The following WIZ variants were observed in gnomAD, a reference collection of about 807,000 sequenced individuals.
WIZ encodes WIZ zinc finger, also known as protein Wiz.
A neutral mutation model predicts 140.2 loss-of-function variants in WIZ; 25 were observed. That is an observed-to-expected ratio of 0.18 (90% CI 0.13 to 0.25). The LOEUF (loss-of-function observed/expected upper bound fraction) is 0.25. WIZ is among the 10% of genes least tolerant of loss of function. The pLI, the probability that WIZ is intolerant of heterozygous loss-of-function variation, is 1.00. For missense variants in WIZ, 2,231 were observed against 2,632.6 expected (o/e 0.85, Z 3.34); for synonymous variants, 1,125 against 1,154.3 (o/e 0.97, Z 0.51).
Position 15,440,485 on chromosome 19 carries a change from T to TC in WIZ, c.508dup (p.Glu170GlyfsTer21). ...GGCATGTTTCTCCAAAAGCCTTGGT[T>TC]CCCCCCGGTGGTGTAAGAACCTTCT... On this transcript the variant is annotated frameshift_variant, in exon 4 of 13. Transcript: ENST00000673675. LOFTEE classifies it high-confidence loss of function. This position sits in a 1 kb window ranked among gnomAD's most constrained non-coding sequence, Gnocchi z 6.2. The TC allele has an allele frequency of 1.3e-6, 2 of 1,535,962 alleles. No homozygotes were observed. Among genetic ancestry groups the TC allele is most frequent in the Non-Finnish European group, 1.7e-6 (2 of 1,146,864 alleles).
intron 5 of WIZ, among the ~76,000 whole-genome samples, chr19:15,432,775 G>A (rs895375081): frequency 6.6e-6 from 1 of 151,310 alleles, no homozygotes; most frequent in Non-Finnish European, 1.5e-5. Flanking sequence ...GAGTGCCGCT[G>A]CCGCCGCCGC....
Position 15,448,130 on chromosome 19 carries a change from T to C in WIZ, c.178A>G (p.Ile60Val). 1.2e-6 allele frequency: 2 copies of C among 1,612,416 alleles called. No homozygotes were observed. The highest frequency in any genetic ancestry group is 1.7e-6 in the Non-Finnish European group (2 of 1,179,200). Reference sequence around the variant, plus strand: ...GAGATGCCACCTCTGCCATCCAGAATGTCTCGGGGGCCCTCCTTGGTGACA... The same window carrying C: ...GAGATGCCACCTCTGCCATCCAGAACGTCTCGGGGGCCCTCCTTGGTGACA... The part of the protein sequence containing the change: ...LPVTKEGPRD[I>V]LDGRGGISDG... Residue 60 changes from isoleucine (I) to valine (V), a missense_variant, in exon 2 of 13, where the codon ATT becomes GTT. Around this residue, in one of 15 missense-constraint regions of WIZ, gnomAD observed 85 missense variants for 90.9 expected, o/e 0.94. Transcript: ENST00000673675.
Position 15,440,511 on chromosome 19 carries a change from A to G in WIZ, c.483T>C (p.Ser161=). 1 of 1,536,110 alleles carries G rather than the reference A, an allele frequency of 6.5e-7. No homozygotes were observed. The highest frequency in any genetic ancestry group is 8.7e-7 in the Non-Finnish European group (1 of 1,146,888). Residue 161 remains serine, a synonymous_variant, in exon 4 of 13, where the codon TCT becomes TCC. Transcript: ENST00000673675. This position sits in a 1 kb window ranked among gnomAD's most constrained non-coding sequence, Gnocchi z 6.2. ...CCCCCCGGTGGTGTAAGAACCTTCT[A>G]GAGCCCTCTAGCTCAGCGTGGGGTT... is the stretch of plus-strand genomic sequence containing the variant. The part of the protein sequence containing the change: ...TMKPHAELEG[S]RRFLHHRGEP...
chr19:15,433,130 GTC>G (rs1353925001), intron 5 of WIZ: 14 of 562,970 alleles, frequency 2.5e-5, no homozygotes, highest in Non-Finnish European at 3.2e-5. Flanking sequence ...TTTCCGGAAA[GTC>G]TCCATCTCCG....
intron 5 of WIZ, among the ~76,000 whole-genome samples, chr19:15,434,891 G>T (rs1969462181): frequency 6.6e-6 from 1 of 152,202 alleles, no homozygotes; most frequent in Non-Finnish European, 1.5e-5. Context: ...CTCTACAGCT[G>T]TGTGGCTGTG....
Position 15,435,996 on chromosome 19 carries a change from G to A in WIZ, c.2740+810C>T, listed in dbSNP as rs995732350. On this transcript the variant is annotated intron_variant, in intron 5 of 12. Transcript: ENST00000673675. ...AAGTTAGCTGGGCGTGGTGATGAGCGCCTGTAATCCCAGCTACTCAGGAGG... is the reference window on the plus strand; with the variant it reads ...AAGTTAGCTGGGCGTGGTGATGAGCACCTGTAATCCCAGCTACTCAGGAGG... Among the ~76,000 whole-genome samples the A allele has an allele frequency of 2.6e-5, 4 of 152,118 alleles. 1 individual carries two copies. Among genetic ancestry groups the A allele is most frequent in the African/African-American group, 4.8e-5 (2 of 41,406 alleles).
chr19:15,439,593 GAC>G lies in WIZ; in HGVS notation c.1399_1400del (p.Val467LeufsTer33). Reference sequence around the variant, plus strand: ...CGCTGGGCGCGGGGAAACCACAGAAGACACAGGCGCTGAGGCCAACGGCAGCT... The same window carrying G: ...CGCTGGGCGCGGGGAAACCACAGAAGACAGGCGCTGAGGCCAACGGCAGCT... The part of the protein sequence containing the change: ...YGAAVGLSAC[V>X]FCGFPAPSES... On this transcript the variant is annotated frameshift_variant, in exon 4 of 13. Transcript: ENST00000673675. LOFTEE classifies it high-confidence loss of function. The surrounding 1 kb of genome is among the most constrained non-coding windows in gnomAD (Gnocchi z 7.0). 1 of 1,485,512 alleles carries G rather than the reference GAC, an allele frequency of 6.7e-7. No individual in the cohort carries two copies. The highest frequency in any genetic ancestry group is 8.9e-7 in the Non-Finnish European group (1 of 1,120,116). The allele number at this position is 1,485,512 out of a possible 1,614,324, so 92.0% of individuals were successfully genotyped here.
chr19:15,437,100 G>A lies in WIZ; in HGVS notation c.2446C>T (p.Leu816=), dbSNP rs1439584823. The A allele has an allele frequency of 3.7e-6, 6 of 1,608,920 alleles. No individual in the cohort carries two copies. In the African/African-American group the frequency reaches 6.7e-5, roughly 18 times the overall value. Residue 816 remains leucine (L), a synonymous_variant, in exon 5 of 13, where the codon CTG becomes TTG. Coordinates refer to ENST00000673675, the MANE Select transcript of WIZ (RefSeq NM_001371589.1). ...GCCCCGCAGAAGTCACAGCGCATCA[G>A]GCTGAAGGTGCCTGGGTCAAAGTTG... ...VANFDPGTFS[L]MRCDFCGAGF... is the part of the protein sequence containing the mutation.
chr19:15,446,761 C>G (rs576821252), intron 2 of WIZ, among the ~76,000 whole-genome samples: 1 of 152,244 alleles, frequency 6.6e-6, no homozygotes, highest in African/African-American at 2.4e-5. Flanking sequence ...GACATAACAC[C>G]GGGTCATAAC....
chr19:15,431,208 C>A, intron 5 of WIZ, 26 bp from the exon 6 acceptor site: 1 of 1,487,518 alleles, frequency 6.7e-7, no homozygotes, highest in South Asian at 1.3e-5. Context: ...ACAGGCTCAG[C>A]CCAGACAAAT....
Position 15,425,410 on chromosome 19 carries a change from C to T in WIZ, c.4725G>A (p.Thr1575=), listed in dbSNP as rs980423647. The part of the protein sequence containing the change: ...PAQVPRELSL[T]PITGAKPSAT... Reference sequence around the variant, plus strand: ...CTGAGGGCTTGGCCCCAGTGATGGGCGTCAGGCTGAGCTCACGAGGAACCT... The same window carrying T: ...CTGAGGGCTTGGCCCCAGTGATGGGTGTCAGGCTGAGCTCACGAGGAACCT... Residue 1575 remains threonine (T), a synonymous_variant, in exon 10 of 13, where the codon ACG becomes ACA. Transcript: ENST00000673675. The T allele has an allele frequency of 1.8e-5, 28 of 1,558,120 alleles. No individual in the cohort carries two copies. The highest frequency in any genetic ancestry group is 5.5e-5 in the African/African-American group (4 of 73,374).
chr19:15,445,995 CAAGCGGGCA>C (rs1389583224), intron 2 of WIZ, among the ~76,000 whole-genome samples: 1 of 152,158 alleles, frequency 6.6e-6, no homozygotes, highest in Non-Finnish European at 1.5e-5. Context: ...AGGGGGAGAT[CAAGCGGGCA>C]GAGAGGGCAG....
intron 3 of WIZ, among the ~76,000 whole-genome samples, chr19:15,441,445 G>A (rs1235924626): frequency 6.6e-6 from 1 of 152,188 alleles, no homozygotes; most frequent in African/African-American, 2.4e-5. Context: ...ATCAACAAAA[G>A]GTGCTTGCAA....
chr19:15,425,805 G>A (rs1599652426), intron 9 of WIZ, 37 bp from the exon 10 acceptor site: 1 of 1,086,062 alleles, frequency 9.2e-7, no homozygotes, highest in Non-Finnish European at 1.2e-6. Context: ...GGAGGAGGAG[G>A]AGGAGGAGGA....
chr19:15,423,909 C>G (rs1968537677), intron 12 of WIZ, among the ~76,000 whole-genome samples: 1 of 152,228 alleles, frequency 6.6e-6, no homozygotes, highest in Non-Finnish European at 1.5e-5. Context: ...GGTTTGTTAT[C>G]AACCCGCTTT....
intron 2 of WIZ, among the ~76,000 whole-genome samples, chr19:15,444,113 T>C (rs1234726575): frequency 6.6e-6 from 1 of 152,058 alleles, no homozygotes; most frequent in African/African-American, 2.4e-5. Flanking sequence ...ACAGATGCAA[T>C]TGTTGGATTA....
In WIZ at chr19:15,424,854, G is replaced by A. The variant is rs568563474; in HGVS notation, c.5073C>T (p.Arg1691=). The A allele has an allele frequency of 3.1e-6, 5 of 1,610,936 alleles. No homozygotes were observed. Among genetic ancestry groups the A allele is most frequent in the Admixed American group, 3.3e-5 (2 of 59,834 alleles). The change falls in exon 11 of 13, where the codon CGC becomes CGT. Residue 1691 remains arginine, a synonymous_variant. Transcript: ENST00000673675. The surrounding 1 kb of genome is among the most constrained non-coding windows in gnomAD (Gnocchi z 9.7). The part of the protein sequence containing the change: ...KHRPQKVGAY[R]SYIQGGRPFT... ...AGGGGCGGCCGCCCTGGATGTAGCT[G>A]CGGTAGGCGCCCACCTTCTGGGGCC...
At position 15,424,795 on chromosome 19, in the gene WIZ, C is replaced by T. The variant is rs770421567; in HGVS notation, c.5132G>A (p.Arg1711His). 53 of 1,600,836 alleles carry T rather than the reference C, an allele frequency of 3.3e-5. No homozygotes were observed. The highest frequency in any genetic ancestry group is 4.3e-5 in the Non-Finnish European group (51 of 1,174,848). The stretch of plus-strand genomic sequence containing the variant: ...CAGGGACGGCCGCTTGTCACTGTCA[C>T]GGCCATGGCCGGCACTGCGGAACTT... ...TKKFRSAGHG[R>H]DSDKRPSLGL... The change falls in exon 11 of 13, where the codon CGT (arginine) becomes CAT (histidine). Residue 1711 changes from arginine to histidine, a missense_variant. Transcript: ENST00000673675. The surrounding 1 kb of genome is among the most constrained non-coding windows in gnomAD (Gnocchi z 9.7).
Position 15,448,108 on chromosome 19 carries a change from A to T in WIZ, c.200T>A (p.Ile67Asn). Residue 67 changes from isoleucine (I) to asparagine (N), a missense_variant, in exon 2 of 13, where the codon ATC becomes AAC. Around this residue, in one of 15 missense-constraint regions of WIZ, gnomAD observed 85 missense variants for 90.9 expected, o/e 0.94. Coordinates refer to ENST00000673675, the MANE Select transcript of WIZ (RefSeq NM_001371589.1). ...PRDILDGRGG[I>N]SDGQPHPGLS... ...CACACGGCCCATTCTCTTACCAGAG[A>T]TGCCACCTCTGCCATCCAGAATGTC... The T allele has an allele frequency of 6.2e-7, 1 of 1,611,994 alleles. No individual in the cohort carries two copies. Among genetic ancestry groups the T allele is most frequent in the Non-Finnish European group, 8.5e-7 (1 of 1,179,184 alleles).
Sources: allele counts gnomAD v4.1 joint callset (sites outside exome capture counted in the v4.1 genomes callset), GRCh38; gene constraint gnomAD v4.1.1; regional missense constraint gnomAD v4.1.1; non-coding constraint Gnocchi (gnomAD v3.1); transcripts MANE v1.5; gene names NCBI Gene and HGNC (gene_info 2026-07-23, HGNC 2026-07-21).